Variants in STXBP6 observed in about 807,000 individuals in gnomAD.
STXBP6 encodes the protein syntaxin-binding protein 6.
STXBP6 carries 21 observed loss-of-function variants against 26.9 expected under a neutral mutation model. That is an observed-to-expected ratio of 0.78 (90% CI 0.55 to 1.12). The LOEUF (loss-of-function observed/expected upper bound fraction) is 1.12. Ranked by LOEUF, STXBP6 falls within the 50% of genes most tolerant of loss-of-function variation. STXBP6 has a pLI of 0.00. For missense variants in STXBP6, 232 were observed against 257.9 expected (o/e 0.90, Z 0.69); for synonymous variants, 97 against 92.6 (o/e 1.05, Z -0.27).
chr14:25,036,214 C>CAAAA (rs559433301), intron 1 of STXBP6, among the ~76,000 whole-genome samples: 1 of 80,708 alleles, frequency 1.2e-5, no homozygotes. Context: ...AAGACTCCAT[C>CAAAA]AAAAAAAAAA....
intron 5 of STXBP6, among the ~76,000 whole-genome samples, chr14:24,818,664 C>T (rs2068050450): frequency 1.3e-5 from 2 of 152,168 alleles, no homozygotes; most frequent in South Asian, 2.1e-4. Context: ...AGCCTCACGT[C>T]CTCCATGTGT....
chr14:24,972,405 A>G (rs563500737), intron 2 of STXBP6, among the ~76,000 whole-genome samples: 2 of 152,320 alleles, frequency 1.3e-5, no homozygotes, highest in Admixed American at 6.5e-5. Flanking sequence ...TGCAGGCTTC[A>G]TGATCAAAAT....
intron 1 of STXBP6, among the ~76,000 whole-genome samples, chr14:25,044,305 A>T (rs2140517087): frequency 6.6e-6 from 1 of 151,708 alleles, no homozygotes; most frequent in South Asian, 2.1e-4. Context: ...TAACATTTTG[A>T]GGAACTGCCA....
chr14:24,820,903 A>G (rs897877394), intron 4 of STXBP6, among the ~76,000 whole-genome samples: 2 of 152,190 alleles, frequency 1.3e-5, no homozygotes, highest in African/African-American at 4.8e-5. Context: ...GTTGGTTCAG[A>G]GAAGCAATCA....
chr14:24,898,303 C>T (rs1407373280), intron 2 of STXBP6, among the ~76,000 whole-genome samples: 1 of 152,216 alleles, frequency 6.6e-6, no homozygotes, highest in Non-Finnish European at 1.5e-5. Flanking sequence ...CTGTGATTCT[C>T]ATAATCTCAC....
In STXBP6 at chr14:25,024,182, G is replaced by A. The variant is rs529697496; in HGVS notation, c.-33+25696C>T. ...AAATTAGCCGGGCATGGTGGCACAC[G>A]CCTGTAGTCCCAGCTACTCAGGATG... On this transcript the variant is annotated intron_variant, in intron 1 of 5. Coordinates refer to ENST00000323944, the MANE Select transcript of STXBP6 (RefSeq NM_001394410.1). 1.6e-3 allele frequency among the ~76,000 whole-genome samples: 242 copies of A among 152,130 alleles called. 1 individual carries two copies. Among genetic ancestry groups the A allele is most frequent in the African/African-American group, 5.6e-3 (233 of 41,524 alleles).
intron 4 of STXBP6, among the ~76,000 whole-genome samples, chr14:24,841,192 A>T (rs2068773985): frequency 6.6e-6 from 1 of 152,038 alleles, no homozygotes; most frequent in South Asian, 2.1e-4. Context: ...ATATCTTTGT[A>T]TTTCTCTTAC....
intron 1 of STXBP6, among the ~76,000 whole-genome samples, chr14:25,046,645 T>C (rs1348006206): frequency 6.6e-6 from 1 of 152,192 alleles, no homozygotes; most frequent in Non-Finnish European, 1.5e-5. Flanking sequence ...CCTTAGGATG[T>C]TATTGCAGGA....
chr14:24,959,555 G>A (rs750914469), intron 2 of STXBP6, among the ~76,000 whole-genome samples: 3 of 152,154 alleles, frequency 2.0e-5, no homozygotes, highest in Non-Finnish European at 4.4e-5. Context: ...GTGACTTAAC[G>A]TTTATCTTCA....
At chr14:24,875,322 C>T (rs1268163389) in intron 2 of STXBP6, among the ~76,000 whole-genome samples, 1 of 152,144 alleles carries the variant, frequency 6.6e-6, no homozygotes, top group Admixed American at 6.5e-5. Context: ...GGAGATCTCA[C>T]TGATAAAATG....
chr14:25,017,250 A>G (rs1566564964), intron 1 of STXBP6, among the ~76,000 whole-genome samples: 1 of 152,332 alleles, frequency 6.6e-6, no homozygotes, highest in East Asian at 1.9e-4. Flanking sequence ...AACTTTGATT[A>G]ATGTTCAAGG....
At chr14:25,000,951 G>A (rs1003327543) in intron 1 of STXBP6, among the ~76,000 whole-genome samples, 34 of 151,780 alleles carry the variant, frequency 2.2e-4, no homozygotes, top group South Asian at 4.2e-4. Context: ...TCTATCTTTG[G>A]GTCTTCATTT....
intron 2 of STXBP6, among the ~76,000 whole-genome samples, chr14:24,974,236 C>T (rs2073983467): frequency 6.6e-6 from 1 of 152,146 alleles, no homozygotes; most frequent in Admixed American, 6.6e-5. Flanking sequence ...CAATATTTAT[C>T]TTAAGACAAG....
chr14:24,817,457 G>A (rs986919019), intron 5 of STXBP6: 1 of 154,562 alleles, frequency 6.5e-6, no homozygotes, highest in East Asian at 1.9e-4. Context: ...TTCTGTGTGG[G>A]AAGACATGAA....
intron 2 of STXBP6, among the ~76,000 whole-genome samples, chr14:24,862,738 GGTAA>G (rs1234484549): frequency 1.3e-5 from 2 of 152,176 alleles, no homozygotes; most frequent in East Asian, 3.9e-4. Flanking sequence ...AAGCAGTTTG[GGTAA>G]GTCTTTCAGT....
At chr14:24,856,427 C>T (rs559406697) in intron 3 of STXBP6, among the ~76,000 whole-genome samples, 3 of 152,192 alleles carry the variant, frequency 2.0e-5, no homozygotes, top group African/African-American at 7.2e-5. Context: ...TCAGCAACGA[C>T]CTATATTAAT....
At chr14:24,970,211 A>AG (rs1477377279) in intron 2 of STXBP6, among the ~76,000 whole-genome samples, 1 of 151,986 alleles carries the variant, frequency 6.6e-6, no homozygotes, top group Non-Finnish European at 1.5e-5. Context: ...ACTGCACTCC[A>AG]GCCTGGGCAA....
At chr14:24,954,329 G>A (rs1046941984) in intron 2 of STXBP6, among the ~76,000 whole-genome samples, 9 of 152,090 alleles carry the variant, frequency 5.9e-5, no homozygotes, top group African/African-American at 2.2e-4. Flanking sequence ...CAGACTGAAG[G>A]GGAAGAGAAG....
At chr14:24,978,837 T>G (rs886172821) in intron 1 of STXBP6, among the ~76,000 whole-genome samples, 1 of 152,190 alleles carries the variant, frequency 6.6e-6, no homozygotes, top group Admixed American at 6.5e-5. Context: ...AAGACCATCC[T>G]TTAGGTTAGG....
Sources: gnomAD v4.1 joint callset for allele counts (sites outside exome capture counted in the v4.1 genomes callset) on GRCh38, gnomAD v4.1.1 for gene constraint, MANE v1.5 for transcripts, NCBI Gene and HGNC (gene_info 2026-07-23, HGNC 2026-07-21) for gene names.